Variants in SH3BP1 observed in about 807,000 individuals in gnomAD.
SH3BP1 encodes SH3 domain-binding protein 1.
Under a neutral mutation model 69.8 loss-of-function variants are expected in SH3BP1, and 46 were observed. The ratio of observed to expected loss-of-function variants is 0.66; its 90% confidence interval spans 0.52 to 0.84. SH3BP1 has a LOEUF of 0.84. SH3BP1 is among the 40% of genes least tolerant of loss of function. The pLI is 0.00. For synonymous variants in SH3BP1, 403 were observed against 378.0 expected, an observed-to-expected ratio of 1.07 and a Z score of -0.77; for missense variants, 868 against 930.9, an observed-to-expected ratio of 0.93 and a Z score of 0.88.
chr22:37,639,842 G>A lies in SH3BP1; in HGVS notation c.55G>A (p.Gly19Arg), dbSNP rs1176062347. The A allele has an allele frequency of 1.3e-6, 2 of 1,572,756 alleles. No homozygotes were observed. Among genetic ancestry groups the A allele is most frequent in the Non-Finnish European group, 1.7e-6 (2 of 1,161,570 alleles). Residue 19 changes from glycine (G) to arginine (R), a missense_variant, in exon 1 of 18, where the codon GGA (glycine) becomes AGA (arginine). Physicochemically the swap from Gly to Arg is moderately radical, Grantham distance 125. Transcript: ENST00000649765. ...MRQLAQTGSL[G>R]RTPETAEFLG... ...GCAGCTGGCCCAGACGGGCAGCTTG[G>A]GACGGTGAGTGTCACCCGCTTCCAG...
intron 4 of SH3BP1, 30 bp downstream of exon 4, chr22:37,642,645 T>C (rs1569005382): frequency 6.2e-7 from 1 of 1,612,926 alleles, no homozygotes; most frequent in Admixed American, 1.7e-5. Context: ...AGCCCTCACC[T>C]GGGGATACCA....
chr22:37,647,125 A>G (rs1339663508), intron 11 of SH3BP1, 142 bp from the exon 12 acceptor site: 1 of 846,242 alleles, frequency 1.2e-6, no homozygotes. Context: ...GCTAGCCTTC[A>G]TTTTCTCAAA....
intron 3 of SH3BP1, chr22:37,641,700 G>A (rs1037969737): frequency 1.9e-6 from 1 of 532,878 alleles, no homozygotes; most frequent in African/African-American, 1.9e-5. Flanking sequence ...ATAAGCCAAG[G>A]CCAGGCTTCT....
At chr22:37,651,872 A>C (rs1210946792) in intron 16 of SH3BP1, among the ~76,000 whole-genome samples, 1 of 151,246 alleles carries the variant, frequency 6.6e-6, no homozygotes, top group Non-Finnish European at 1.5e-5. Flanking sequence ...GAGGGGGAGC[A>C]GGTTAAGGGG....
At position 37,644,898 on chromosome 22, in the gene SH3BP1, G is replaced by A. The variant is rs779554139; in HGVS notation, c.716G>A (p.Arg239His). Residue 239 changes from arginine to histidine, a missense_variant, in exon 9 of 18, where the codon CGC becomes CAC. Arg to His is a conservative substitution (Grantham distance 29, BLOSUM62 0). Transcript: ENST00000649765. The part of the protein sequence containing the change: ...RLLEIQADYH[R>H]RSLSSLDTAL... ...CTGGAGATTCAGGCCGATTACCATC[G>A]CAGGTCACTGAGCTCGCTGGACACA... The A allele has an allele frequency of 1.3e-5, 21 of 1,613,880 alleles. No individual in the cohort carries two copies. The highest frequency in any genetic ancestry group is 2.7e-5 in the African/African-American group (2 of 74,932).
chr22:37,652,436 G>T (rs1032610435), intron 16 of SH3BP1, among the ~76,000 whole-genome samples: 1 of 152,206 alleles, frequency 6.6e-6, no homozygotes, highest in Non-Finnish European at 1.5e-5. Flanking sequence ...AGAAGGCTGT[G>T]GTGGGAGGAT....
intron 7 of SH3BP1, 41 bp from the exon 8 acceptor site, chr22:37,644,596 C>G: frequency 6.2e-7 from 1 of 1,600,464 alleles, no homozygotes; most frequent in Non-Finnish European, 8.6e-7. Context: ...CTAGACCCCA[C>G]AGCCTCACCC....
intron 3 of SH3BP1, chr22:37,642,282 A>G (rs1026902122): frequency 4.0e-6 from 2 of 502,802 alleles, no homozygotes; most frequent in Admixed American, 6.5e-5. Flanking sequence ...CCCAGTCTGC[A>G]GTAGGACTTG....
At chr22:37,649,457 GC>G (rs1216872563) in intron 14 of SH3BP1, among the ~76,000 whole-genome samples, 7 of 152,138 alleles carry the variant, frequency 4.6e-5, no homozygotes, top group Admixed American at 4.6e-4. Flanking sequence ...CTGCATTCCA[GC>G]CTGTGTGACA....
At position 37,641,375 on chromosome 22, in the gene SH3BP1, T is replaced by C; in HGVS notation, c.104T>C (p.Val35Ala). The change falls in exon 3 of 18, where the codon GTA (valine) becomes GCA (alanine). Residue 35 changes from valine to alanine, a missense_variant and splice_region_variant. Physicochemically the swap from Val to Ala is moderately conservative, Grantham distance 64. This residue lies in a region of SH3BP1 where 387 missense variants were observed against 447.9 expected (regional missense o/e 0.86). Transcript: ENST00000649765. ...AEFLGEDLLQVEQRLEPAKRA... is the reference protein window; with the variant it reads ...AEFLGEDLLQAEQRLEPAKRA... ...TTAACCTCCATACCTCCTTCCCAGGTAGAACAGCGGCTGGAGCCGGCCAAG... is the reference window on the plus strand; with the variant it reads ...TTAACCTCCATACCTCCTTCCCAGGCAGAACAGCGGCTGGAGCCGGCCAAG... 6.4e-7 allele frequency: 1 copy of C among 1,551,106 alleles called. No individual in the cohort carries two copies. The highest frequency in any genetic ancestry group is 2.4e-5 in the East Asian group (1 of 40,916).
At position 37,639,714 on chromosome 22, in the gene SH3BP1, AG is replaced by A; in HGVS notation, c.-72del. ...CGGGGCAAGAGCCGCGCCGCAGGAG[AG>A]GCAGGCTGGACCGGGGGCTCCCCGG... On this transcript the variant is annotated 5_prime_UTR_variant, in exon 1 of 18. Transcript: ENST00000649765. 1 of 933,778 alleles carries A rather than the reference AG, an allele frequency of 1.1e-6. No individual in the cohort carries two copies. The highest frequency in any genetic ancestry group is 1.8e-5 in the African/African-American group (1 of 56,872). The allele number at this position is 933,778 out of a possible 1,614,324, so 57.8% of individuals were successfully genotyped here.
chr22:37,655,216 A>G, intron 17 of SH3BP1, 56 bp from the exon 18 acceptor site: 1 of 1,322,144 alleles, frequency 7.6e-7, no homozygotes, highest in South Asian at 1.4e-5. Flanking sequence ...AGCTTGGTGG[A>G]TTCACCACAG....
chr22:37,643,079 C>T lies in SH3BP1; in HGVS notation c.397-19C>T, dbSNP rs1186830917. The T allele has an allele frequency of 2.4e-5, 39 of 1,610,214 alleles. No individual in the cohort carries two copies. The highest frequency in any genetic ancestry group is 3.3e-5 in the Non-Finnish European group (39 of 1,178,284). On this transcript the variant is annotated intron_variant, in intron 5 of 17. Coordinates refer to ENST00000649765, the MANE Select transcript of SH3BP1 (RefSeq NM_018957.6). ...TCCCTCCTCCCCCAGCACACTGACC[C>T]CCCCATGCCCATCCCCAGGAGGAGC...
chr22:37,643,518 C>A, intron 6 of SH3BP1, 126 bp from the exon 7 acceptor site: 1 of 1,357,058 alleles, frequency 7.4e-7, no homozygotes, highest in South Asian at 1.3e-5. Context: ...GAGGCCCCGG[C>A]CAGTGGAGCT....
At chr22:37,649,097 C>T (rs770693453) in intron 14 of SH3BP1, among the ~76,000 whole-genome samples, 26 of 152,096 alleles carry the variant, frequency 1.7e-4, no homozygotes, top group Non-Finnish European at 2.9e-4. Flanking sequence ...CTCAGAACCT[C>T]GATTTCCTCA....
rs768016525 is a variant in SH3BP1, at chr22:37,655,476, G to C, written c.1898G>C (p.Arg633Pro). The change falls in exon 18 of 18, where the codon CGC (arginine) becomes CCC (proline). Residue 633 changes from arginine (R) to proline (P), a missense_variant. Coordinates refer to ENST00000649765, the MANE Select transcript of SH3BP1 (RefSeq NM_018957.6). ...CCCACACCCCCTCAGCCTGCCCGGC[G>C]CCAAAGCCGGCGTTCACCAGCCTCC... ...LPPTPPQPAR[R>P]QSRRSPASPS... 11 of 1,393,726 alleles carry C rather than the reference G, an allele frequency of 7.9e-6. No individual in the cohort carries two copies. Among genetic ancestry groups the C allele is most frequent in the Non-Finnish European group, 7.7e-6 (8 of 1,033,428 alleles). The allele number at this position is 1,393,726 out of a possible 1,614,324, so 86.3% of individuals were successfully genotyped here. A position where few individuals can be genotyped will look rare whatever the true frequency, so the allele number is the denominator to read the frequency against.
In SH3BP1 at chr22:37,645,452, T is replaced by C; in HGVS notation, c.866T>C (p.Ile289Thr). The C allele has an allele frequency of 7.4e-6, 12 of 1,613,834 alleles. No homozygotes were observed. The highest frequency in any genetic ancestry group is 1.0e-5 in the Non-Finnish European group (12 of 1,179,816). ...ATHLQELGREIALPIEACVMM... is the reference protein window; with the variant it reads ...ATHLQELGRETALPIEACVMM... ...CACCTGCAAGAGCTGGGCCGGGAGATTGCCCTGCCCATCGAGGCCTGCGTC... is the reference window on the plus strand; with the variant it reads ...CACCTGCAAGAGCTGGGCCGGGAGACTGCCCTGCCCATCGAGGCCTGCGTC... Residue 289 changes from isoleucine to threonine, a missense_variant, in exon 10 of 18, where the codon ATT (isoleucine) becomes ACT (threonine). By Grantham distance (89) the Ile-to-Thr change is moderately conservative (BLOSUM62 -1). Around this residue, in one of 3 missense-constraint regions of SH3BP1, gnomAD observed 387 missense variants for 447.9 expected, o/e 0.86. Coordinates refer to ENST00000649765, the MANE Select transcript of SH3BP1 (RefSeq NM_018957.6).
chr22:37,655,351 C>T lies in SH3BP1; in HGVS notation c.1773C>T (p.Pro591=), dbSNP rs1389394902. 6.8e-7 allele frequency: 1 copy of T among 1,472,284 alleles called. No homozygotes were observed. Among genetic ancestry groups the T allele is most frequent in the Non-Finnish European group, 9.1e-7 (1 of 1,097,198 alleles). 91.2% of individuals were successfully genotyped at this position (1,472,284 alleles called of 1,614,324 possible). A position where few individuals can be genotyped will look rare whatever the true frequency, so the allele number is the denominator to read the frequency against. Residue 591 remains proline (P), a synonymous_variant, in exon 18 of 18, where the codon CCC becomes CCT. Coordinates refer to ENST00000649765, the MANE Select transcript of SH3BP1 (RefSeq NM_018957.6). The part of the protein sequence containing the change: ...SGSRSSPPAP[P]LPPGSGSPGT... ...CCCGCTCCTCCCCTCCAGCCCCGCCCTTGCCCCCTGGCTCTGGCAGCCCTG... is the reference window on the plus strand; with the variant it reads ...CCCGCTCCTCCCCTCCAGCCCCGCCTTTGCCCCCTGGCTCTGGCAGCCCTG...
chr22:37,655,239 C>T, intron 17 of SH3BP1, 33 bp from the exon 18 acceptor site: 1 of 1,530,052 alleles, frequency 6.5e-7, no homozygotes, highest in Non-Finnish European at 8.8e-7. Flanking sequence ...CACGTGGACA[C>T]TCAGCCTCCC....
Sources: allele counts gnomAD v4.1 joint callset (sites outside exome capture counted in the v4.1 genomes callset), GRCh38; gene constraint gnomAD v4.1.1; regional missense constraint gnomAD v4.1.1; transcripts MANE v1.5; gene names NCBI Gene and HGNC (gene_info 2026-07-23, HGNC 2026-07-21).